The following PRDM16 variants were observed in gnomAD, a reference collection of about 807,000 sequenced individuals.
PRDM16 encodes histone-lysine N-methyltransferase PRDM16.
Under a neutral mutation model 110.6 loss-of-function variants are expected in PRDM16, and 23 were observed. The ratio of observed to expected loss-of-function variants is 0.21; its 90% CI spans 0.15 to 0.29. The LOEUF is 0.29. PRDM16 is among the 10% of genes least tolerant of loss of function. PRDM16 has a pLI of 1.00. For missense variants in PRDM16, 1,615 were observed against 1,794.3 expected, an observed-to-expected ratio of 0.90 and a Z score of 1.81; for synonymous variants, 799 against 781.8, an observed-to-expected ratio of 1.02 and a Z score of -0.37.
chr1:3,274,048 A>T (rs544643278), intron 3 of PRDM16, among the ~76,000 whole-genome samples: 74 of 151,784 alleles, frequency 4.9e-4, no homozygotes, highest in Admixed American at 3.3e-3. Flanking sequence ...GTGAATTAGG[A>T]TCCAAATTTT....
chr1:3,193,755 G>A (rs369266615), intron 2 of PRDM16, among the ~76,000 whole-genome samples: 1 of 152,352 alleles, frequency 6.6e-6, no homozygotes, highest in African/African-American at 2.4e-5. Context: ...GGTCTGTACT[G>A]GGGGAGGGGG....
At chr1:3,270,514 G>C (rs1215149422) in intron 3 of PRDM16, among the ~76,000 whole-genome samples, 1 of 151,484 alleles carries the variant, frequency 6.6e-6, no homozygotes, top group African/African-American at 2.4e-5. Context: ...AGTCCCGGGG[G>C]AGGACAATCA....
intron 2 of PRDM16, among the ~76,000 whole-genome samples, chr1:3,232,773 G>A (rs72848028): frequency 6.6e-6 from 1 of 152,262 alleles, no homozygotes; most frequent in African/African-American, 2.4e-5. Context: ...GATCTTGAAA[G>A]GTTTCCCAAA....
At chr1:3,418,539 A>T (rs566421911) in intron 11 of PRDM16, 128 bp from the exon 12 acceptor site, 1 of 687,680 alleles carries the variant, frequency 1.5e-6, no homozygotes, top group Non-Finnish European at 2.6e-6. Context: ...TGAAACTGGG[A>T]TGCTGGGATG....
rs12049005 is a variant in PRDM16 at position 3,257,543 on chromosome 1, T to C, written c.438+13406T>C. ...ATGTTTATTTAGGAAAAATAAGACT[T>C]TGTTACTTGGTTAAGACAATGAGTT... is the stretch of plus-strand genomic sequence containing the variant. On this transcript the variant is annotated intron_variant, in intron 3 of 16. Transcript: ENST00000270722. Among the ~76,000 whole-genome samples, 2,298 of 151,664 alleles carry C rather than the reference T, an allele frequency of 0.015. 158 individuals are homozygous for C. The East Asian group carries it at 0.21, about 14-fold the overall frequency.
At position 3,332,631 on chromosome 1, in the gene PRDM16, A is replaced by G. The variant is rs529789827; in HGVS notation, c.439-52521A>G. 3.3e-5 allele frequency among the ~76,000 whole-genome samples: 5 copies of G among 152,186 alleles called. 1 individual carries two copies. The highest frequency in any genetic ancestry group is 1.2e-4 in the African/African-American group (5 of 41,494). ...ATTTTAAGGCGTGTCATTCGGTGAC[A>G]TTTAGCACATCTGCATTGTTGTGCA... On this transcript the variant is annotated intron_variant, in intron 3 of 16. Coordinates refer to ENST00000270722, the MANE Select transcript of PRDM16 (RefSeq NM_022114.4).
chr1:3,116,377 G>A (rs928411524), intron 1 of PRDM16, among the ~76,000 whole-genome samples: 1 of 152,154 alleles, frequency 6.6e-6, no homozygotes, highest in African/African-American at 2.4e-5. Context: ...CGGGGGGGAC[G>A]CGGGTTCACG....
At chr1:3,326,607 C>T (rs1257322097) in intron 3 of PRDM16, among the ~76,000 whole-genome samples, 1 of 152,206 alleles carries the variant, frequency 6.6e-6, no homozygotes, top group Non-Finnish European at 1.5e-5. Flanking sequence ...CGCCCGCACC[C>T]AGCCCTATGC....
At chr1:3,405,702 C>T (rs777390254) in intron 8 of PRDM16, 54 bp downstream of exon 8, 93 of 1,490,126 alleles carry the variant, frequency 6.2e-5, no homozygotes, top group Non-Finnish European at 8.2e-5. Context: ...GATGCCGTGG[C>T]GGTCGGGCCG....
intron 3 of PRDM16, among the ~76,000 whole-genome samples, chr1:3,363,157 G>GAGGAGA: frequency 6.6e-6 from 1 of 152,288 alleles, no homozygotes. Context: ...AAGTCCTCCA[G>GAGGAGA]CCCGGGGGTC....
chr1:3,096,826 C>T (rs1416722998), intron 1 of PRDM16, among the ~76,000 whole-genome samples: 2 of 152,224 alleles, frequency 1.3e-5, no homozygotes, highest in African/African-American at 4.8e-5. Context: ...TTCCTTGTGC[C>T]AAGGACGGGA....
rs1324208264 is a variant in PRDM16 at position 3,426,061 on chromosome 1, C to A, written c.3120C>A (p.His1040Gln). The A allele has an allele frequency of 6.2e-7, 1 of 1,613,278 alleles. No homozygotes were observed. Among genetic ancestry groups the A allele is most frequent in the South Asian group, 1.1e-5 (1 of 91,042 alleles). The change falls in exon 14 of 17, where the codon CAC becomes CAA. Residue 1040 changes from histidine (H) to glutamine (Q), a missense_variant. Coordinates refer to ENST00000270722, the MANE Select transcript of PRDM16 (RefSeq NM_022114.4). ...CCCGCCCCTCCGCAGTGAGCCAGCA[C>A]CCCGGGGTCCTCACGAACCACCTGG... ...HEHENAPVSQ[H>Q]PGVLTNHLGT...
chr1:3,181,566 GCA>G (rs199884884), intron 1 of PRDM16, among the ~76,000 whole-genome samples: 50 of 63,154 alleles, frequency 7.9e-4, no homozygotes, highest in Admixed American at 1.3e-3. Context: ...TCTTACACAC[GCA>G]GTCTTACACA....
chr1:3,322,358 C>G (rs1368896511), intron 3 of PRDM16, among the ~76,000 whole-genome samples: 1 of 152,136 alleles, frequency 6.6e-6, no homozygotes, highest in East Asian at 1.9e-4. Context: ...ATTTTCTTCC[C>G]CTCCGGAGCC....
chr1:3,180,680 GC>G (rs1348003048), intron 1 of PRDM16, among the ~76,000 whole-genome samples: 2 of 151,218 alleles, frequency 1.3e-5, no homozygotes, highest in Non-Finnish European at 1.5e-5. Context: ...AGGCAAGGGG[GC>G]CCGAACTTCA....
intron 1 of PRDM16, among the ~76,000 whole-genome samples, chr1:3,097,156 G>A (rs951377291): frequency 2.6e-5 from 4 of 152,348 alleles, no homozygotes; most frequent in African/African-American, 9.6e-5. Flanking sequence ...TCATGGGCAA[G>A]GTTAAGGGCA....
rs533961841 is a variant in PRDM16, at chr1:3,413,449, T to G, written c.2603+649T>G. Among the ~76,000 whole-genome samples, 21 of 152,158 alleles carry G rather than the reference T, an allele frequency of 1.4e-4. 1 individual carries two copies. The highest frequency in any genetic ancestry group is 4.2e-4 in the South Asian group (2 of 4,808). On this transcript the variant is annotated intron_variant, in intron 9 of 16. Transcript: ENST00000270722. Reference sequence around the variant, plus strand: ...TGCCTCTCTTGGGGAAAGGCGAGTTTAATGCCACTCCCTAATTTCTGGACA... The same window carrying G: ...TGCCTCTCTTGGGGAAAGGCGAGTTGAATGCCACTCCCTAATTTCTGGACA...
chr1:3,412,369 G>T lies in PRDM16; in HGVS notation c.2172G>T (p.Ala724=). 6.2e-7 allele frequency: 1 copy of T among 1,613,496 alleles called. No individual in the cohort carries two copies. The highest frequency in any genetic ancestry group is 8.5e-7 in the Non-Finnish European group (1 of 1,180,008). ...KKLGSLPYHS[A]FPFQFLPNFP... ...TGGGCTCGCTCCCCTACCACTCGGC[G>T]TTCCCCTTCCAGTTCCTGCCCAACT... Residue 724 remains alanine (A), a synonymous_variant, in exon 9 of 17, where the codon GCG becomes GCT. Coordinates refer to ENST00000270722, the MANE Select transcript of PRDM16 (RefSeq NM_022114.4).
Position 3,244,808 on chromosome 1 carries a change from C to T in PRDM16, c.438+671C>T, listed in dbSNP as rs1639751802. Among the ~76,000 whole-genome samples, 3 of 152,200 alleles carry T rather than the reference C, an allele frequency of 2.0e-5. No individual in the cohort carries two copies. In the South Asian group the frequency reaches 6.2e-4, roughly 32 times the overall value. ...TCCAGACGGCCAGGAGGAGGAATGG[C>T]CTGGAAAGCAGCTCCGAAACCTAGA... On this transcript the variant is annotated intron_variant, in intron 3 of 16. Transcript: ENST00000270722. This position sits in a 1 kb window ranked among gnomAD's most constrained non-coding sequence, Gnocchi z 4.1.
Sources: allele counts gnomAD v4.1 joint callset (sites outside exome capture counted in the v4.1 genomes callset), GRCh38; gene constraint gnomAD v4.1.1; non-coding constraint Gnocchi (gnomAD v3.1); transcripts MANE v1.5; gene names NCBI Gene and HGNC (gene_info 2026-07-23, HGNC 2026-07-21).